B4GALT6: variants seen among roughly 807,000 people sequenced by gnomAD.
The protein encoded by B4GALT6 is beta-1,4-galactosyltransferase 6.
In B4GALT6, 14 loss-of-function variants were observed where a neutral mutation model predicts 46.3. That is an observed-to-expected ratio of 0.30 (90% CI 0.20 to 0.47). The LOEUF (loss-of-function observed/expected upper bound fraction) is 0.47. B4GALT6 is among the 20% of genes least tolerant of loss of function. The probability of loss-of-function intolerance (pLI) is 0.99; values close to 1 mark genes in which losing one functional copy is unlikely to be tolerated. For synonymous variants in B4GALT6, 168 were observed against 162.0 expected, an observed-to-expected ratio of 1.04 and a Z score of -0.28; for missense variants, 386 against 480.1, an observed-to-expected ratio of 0.80 and a Z score of 1.83.
chr18:31,720,517 C>A, the B4GALT6 span, among the ~76,000 whole-genome samples: 1 of 152,222 alleles, frequency 6.6e-6, no homozygotes, highest in Non-Finnish European at 1.5e-5. Context: ...GGACACCAGA[C>A]CTGGAGCAGG....
At chr18:31,708,029 T>A in the B4GALT6 span, among the ~76,000 whole-genome samples, 1 of 152,204 alleles carries the variant, frequency 6.6e-6, no homozygotes, top group Non-Finnish European at 1.5e-5. Flanking sequence ...TAGTATTCCT[T>A]TGCATGAATC....
chr18:31,650,419 T>C (rs965495454), intron 3 of B4GALT6, among the ~76,000 whole-genome samples: 5 of 152,158 alleles, frequency 3.3e-5, no homozygotes, highest in Admixed American at 6.5e-5. Flanking sequence ...CTCTAACAGG[T>C]AGGAGTGGTC....
chr18:31,632,559 T>G (rs2073804679), intron 5 of B4GALT6, among the ~76,000 whole-genome samples: 1 of 152,180 alleles, frequency 6.6e-6, no homozygotes, highest in African/African-American at 2.4e-5. Context: ...TATTTCTTGC[T>G]TCTTTCACTT....
the B4GALT6 span, among the ~76,000 whole-genome samples, chr18:31,711,074 C>T: frequency 2.6e-5 from 4 of 152,158 alleles, no homozygotes; most frequent in Admixed American, 6.6e-5. Context: ...ATGCACCCTG[C>T]CATGAGGCTG....
chr18:31,721,891 T>A, the B4GALT6 span, among the ~76,000 whole-genome samples: 1 of 151,256 alleles, frequency 6.6e-6, no homozygotes, highest in African/African-American at 2.4e-5. Flanking sequence ...TGTGTGTGTA[T>A]GTGTGTGTGT....
At chr18:31,713,809 G>A in the B4GALT6 span, among the ~76,000 whole-genome samples, 1 of 152,148 alleles carries the variant, frequency 6.6e-6, no homozygotes, top group African/African-American at 2.4e-5. Flanking sequence ...CAGGCAGAGT[G>A]CAAAGCAAAA....
chr18:31,682,850 A>C (rs1028562650), intron 1 of B4GALT6, among the ~76,000 whole-genome samples: 2 of 152,216 alleles, frequency 1.3e-5, no homozygotes, highest in Non-Finnish European at 2.9e-5. Context: ...GAGTTAATTT[A>C]TAAGACTCCA....
chr18:31,673,470 C>A (rs568044134), intron 1 of B4GALT6, among the ~76,000 whole-genome samples: 1 of 152,212 alleles, frequency 6.6e-6, no homozygotes, highest in African/African-American at 2.4e-5. Context: ...AGCTAGACAT[C>A]CTGGTGGTCA....
chr18:31,627,032 C>A lies in B4GALT6; in HGVS notation c.866G>T (p.Gly289Val), dbSNP rs1300283261. 6.2e-7 allele frequency: 1 copy of A among 1,611,532 alleles called. No individual in the cohort carries two copies. Among genetic ancestry groups the A allele is most frequent in the South Asian group, 1.1e-5 (1 of 90,306 alleles). Residue 289 changes from glycine (G) to valine (V), a missense_variant, in exon 7 of 9, where the codon GGA becomes GTA. Around this residue, in one of 2 missense-constraint regions of B4GALT6, gnomAD observed 323 missense variants for 438.9 expected, o/e 0.74. Coordinates refer to ENST00000306851, the MANE Select transcript of B4GALT6 (RefSeq NM_004775.5). ...AAGGTCATCATCTTCTCCTCCCCAT[C>A]CCCAGAAGGCATTAGGAAAACCATT... ...KINGFPNAFW[G>V]WGGEDDDLWN...
At chr18:31,638,493 T>C (rs548087400) in intron 5 of B4GALT6, 151 bp downstream of exon 5, 131 of 647,964 alleles carry the variant, frequency 2.0e-4, no homozygotes, top group Non-Finnish European at 2.9e-4. Context: ...CGCCACTGCA[T>C]TCCAGCCTGG....
At chr18:31,666,521 C>A in intron 1 of B4GALT6, 149 bp from the exon 2 acceptor site, 1 of 392,478 alleles carries the variant, frequency 2.5e-6, no homozygotes, top group Non-Finnish European at 4.5e-6. Flanking sequence ...TAAAATATTG[C>A]CTACTATAAA....
the B4GALT6 span, among the ~76,000 whole-genome samples, chr18:31,721,901 T>C: frequency 6.6e-6 from 1 of 152,192 alleles, no homozygotes; most frequent in Admixed American, 6.5e-5. Context: ...TGTGTGTGTG[T>C]GTGTATGTGT....
rs2073640066 is a variant in B4GALT6, at chr18:31,623,202, A to T, written c.*2412T>A. 1 of 152,082 alleles carries T rather than the reference A, an allele frequency of 6.6e-6. No individual in the cohort carries two copies. Among genetic ancestry groups the T allele is most frequent in the Non-Finnish European group, 1.5e-5 (1 of 67,902 alleles). 9.4% of individuals were successfully genotyped at this position (152,082 alleles called of 1,614,324 possible). ...ATTTGCAATGTATTTGTTAATCTTT[A>T]TGTAATAATTAATACAATGAAGATA... On this transcript the variant is annotated 3_prime_UTR_variant, in exon 9 of 9. Coordinates refer to ENST00000306851, the MANE Select transcript of B4GALT6 (RefSeq NM_004775.5).
intron 3 of B4GALT6, among the ~76,000 whole-genome samples, chr18:31,648,227 A>AT (rs1305828194): frequency 3.9e-5 from 6 of 152,198 alleles, no homozygotes; most frequent in African/African-American, 1.4e-4. Context: ...TAAATCTAAG[A>AT]TTTTTAACTG....
chr18:31,672,974 A>C (rs2074373585), intron 1 of B4GALT6, among the ~76,000 whole-genome samples: 1 of 152,210 alleles, frequency 6.6e-6, no homozygotes, highest in Non-Finnish European at 1.5e-5. Flanking sequence ...GACAAAGTGA[A>C]AGCAGCAAGT....
chr18:31,685,615 C>A (rs1026608349), upstream of B4GALT6: 1 of 152,558 alleles, frequency 6.6e-6, no homozygotes, highest in South Asian at 1.9e-4. Flanking sequence ...CCTGCGTCAC[C>A]GCCGCCCCCG....
intron 6 of B4GALT6, 97 bp downstream of exon 6, chr18:31,630,862 A>T: frequency 7.6e-7 from 1 of 1,316,918 alleles, no homozygotes; most frequent in Non-Finnish European, 1.1e-6. Flanking sequence ...GGGGTTCTTG[A>T]GTTCTCTCAG....
chr18:31,661,605 A>G (rs2074218305), intron 2 of B4GALT6, among the ~76,000 whole-genome samples: 1 of 152,164 alleles, frequency 6.6e-6, no homozygotes, highest in Non-Finnish European at 1.5e-5. Flanking sequence ...ACCAGAAAAA[A>G]AGATGGGCTA....
chr18:31,663,480 G>C (rs2074244153), intron 2 of B4GALT6, among the ~76,000 whole-genome samples: 1 of 152,136 alleles, frequency 6.6e-6, no homozygotes, highest in South Asian at 2.1e-4. Context: ...CTGATTATGA[G>C]AGTATATAAT....
Sources: gnomAD v4.1 joint callset for allele counts (sites outside exome capture counted in the v4.1 genomes callset) on GRCh38, gnomAD v4.1.1 for gene constraint, gnomAD v4.1.1 regional missense constraint, MANE v1.5 for transcripts, NCBI Gene and HGNC (gene_info 2026-07-23, HGNC 2026-07-21) for gene names.